The following LRRC1 variants were observed in gnomAD, a reference collection of about 807,000 sequenced individuals.
LRRC1 encodes the protein leucine rich repeat containing 1.
A neutral mutation model predicts 69.9 loss-of-function variants in LRRC1; 28 were observed. The ratio of observed to expected loss-of-function variants is 0.40; its 90% CI spans 0.30 to 0.55. The LOEUF is 0.55. Ranked by LOEUF, LRRC1 falls within the 20% of genes least tolerant of loss-of-function variation. The pLI, the probability that LRRC1 is intolerant of heterozygous loss-of-function variation, is 0.47. For synonymous variants in LRRC1, 236 were observed against 240.2 expected, an observed-to-expected ratio of 0.98 and a Z score of 0.16; for missense variants, 498 against 609.0, an observed-to-expected ratio of 0.82 and a Z score of 1.92.
intron 1 of LRRC1, among the ~76,000 whole-genome samples, chr6:53,798,199 A>G (rs972719438): frequency 7.9e-5 from 12 of 152,166 alleles, no homozygotes; most frequent in African/African-American, 2.9e-4. Flanking sequence ...AACCTTTTGC[A>G]TCAGATCCCT....
Position 53,837,931 on chromosome 6 carries a change from G to T in LRRC1, c.160-4179G>T, listed in dbSNP as rs544473983. 2.6e-5 allele frequency among the ~76,000 whole-genome samples: 4 copies of T among 152,286 alleles called. No individual in the cohort carries two copies. In the South Asian group the frequency reaches 8.3e-4, roughly 32 times the overall value. The stretch of plus-strand genomic sequence containing the variant: ...CTTTGCATATAATTGTACAGAATGT[G>T]CTCTAAGTGGGTTAGTGAGCTATAA... On this transcript the variant is annotated intron_variant, in intron 1 of 13. Transcript: ENST00000370888.
At chr6:53,799,132 G>A (rs1055803554) in intron 1 of LRRC1, among the ~76,000 whole-genome samples, 1 of 152,204 alleles carries the variant, frequency 6.6e-6, no homozygotes, top group African/African-American at 2.4e-5. Flanking sequence ...TTAAAAATTT[G>A]AATTTCACCT....
At chr6:53,873,294 T>TC (rs200131508) in intron 2 of LRRC1, among the ~76,000 whole-genome samples, 3 of 150,778 alleles carry the variant, frequency 2.0e-5, no homozygotes, top group Admixed American at 6.6e-5. Flanking sequence ...TTTTTCTTTT[T>TC]TTTTTTTTTT....
In LRRC1 at chr6:53,862,828, AT is replaced by A. The variant is rs916252992; in HGVS notation, c.278-16158del. ...ATTTGAAAAAAATTCTCCATTTAAC[AT>A]TTTTTTCCCCCTGCACACCCGGAAC... On this transcript the variant is annotated intron_variant, in intron 2 of 13. Transcript: ENST00000370888. Among the ~76,000 whole-genome samples, 10 of 152,080 alleles carry A rather than the reference AT, an allele frequency of 6.6e-5. No individual in the cohort carries two copies. The East Asian group carries it at 7.7e-4, about 12-fold the overall frequency.
intron 4 of LRRC1, among the ~76,000 whole-genome samples, chr6:53,885,794 G>A (rs1191712995): frequency 1.3e-5 from 2 of 152,154 alleles, no homozygotes; most frequent in East Asian, 1.9e-4. Flanking sequence ...GGGGCACCTG[G>A]ACACATCTCT....
chr6:53,889,404 T>C (rs1431993721), intron 4 of LRRC1, among the ~76,000 whole-genome samples: 2 of 152,162 alleles, frequency 1.3e-5, no homozygotes, highest in African/African-American at 2.4e-5. Flanking sequence ...TTATTGGCAT[T>C]ATTTATAATA....
chr6:53,864,398 T>G (rs1421589912), intron 2 of LRRC1, among the ~76,000 whole-genome samples: 8 of 152,146 alleles, frequency 5.3e-5, no homozygotes, highest in Non-Finnish European at 1.2e-4. Context: ...TCATTTTGTC[T>G]CTCCATATGC....
chr6:53,910,413 A>G (rs985066366), intron 10 of LRRC1, among the ~76,000 whole-genome samples: 1 of 152,164 alleles, frequency 6.6e-6, no homozygotes, highest in Non-Finnish European at 1.5e-5. Flanking sequence ...CAAAATATAT[A>G]TGAATGATGT....
At chr6:53,871,290 C>T (rs773075913) in intron 2 of LRRC1, among the ~76,000 whole-genome samples, 3 of 152,006 alleles carry the variant, frequency 2.0e-5, no homozygotes, top group African/African-American at 4.8e-5. Context: ...GCATCCTTGC[C>T]GGTATTTGTT....
At chr6:53,869,535 A>G (rs1240429032) in intron 2 of LRRC1, among the ~76,000 whole-genome samples, 1 of 152,214 alleles carries the variant, frequency 6.6e-6, no homozygotes, top group African/African-American at 2.4e-5. Flanking sequence ...TAGTGGTACA[A>G]TAGAGATACT....
At chr6:53,811,033 G>A (rs149107150) in intron 1 of LRRC1, among the ~76,000 whole-genome samples, 15 of 152,208 alleles carry the variant, frequency 9.9e-5, no homozygotes, top group African/African-American at 3.6e-4. Context: ...TCTACCCCAG[G>A]CATTGGGAAA....
chr6:53,919,473 T>TA, intron 11 of LRRC1, 25 bp from the exon 12 acceptor site: 2 of 1,444,202 alleles, frequency 1.4e-6, no homozygotes, highest in Non-Finnish European at 1.8e-6. Context: ...GATGTCTCTT[T>TA]TTTTAAAAAA....
At chr6:53,890,984 G>C (rs1366367626) in intron 4 of LRRC1, among the ~76,000 whole-genome samples, 1 of 152,206 alleles carries the variant, frequency 6.6e-6, no homozygotes, top group Non-Finnish European at 1.5e-5. Context: ...TGAAAACATA[G>C]TAGAGAACAG....
chr6:53,913,386 G>C (rs1364147700), intron 10 of LRRC1, among the ~76,000 whole-genome samples: 2 of 151,298 alleles, frequency 1.3e-5, no homozygotes, highest in East Asian at 3.9e-4. Flanking sequence ...CAAAAAACTG[G>C]AACACCAAGA....
intron 1 of LRRC1, among the ~76,000 whole-genome samples, chr6:53,834,370 T>C (rs1765549622): frequency 2.0e-5 from 3 of 152,202 alleles, no homozygotes; most frequent in Non-Finnish European, 2.9e-5. Context: ...AACTTGTCAA[T>C]CAAGATGGAA....
intron 2 of LRRC1, among the ~76,000 whole-genome samples, chr6:53,847,961 C>T (rs77562988): frequency 6.3e-4 from 96 of 152,136 alleles, no homozygotes; most frequent in Non-Finnish European, 9.0e-4. Context: ...TTTACCCATG[C>T]GGACTTCAGA....
At chr6:53,809,945 G>A (rs1395086280) in intron 1 of LRRC1, among the ~76,000 whole-genome samples, 1 of 152,244 alleles carries the variant, frequency 6.6e-6, no homozygotes, top group Non-Finnish European at 1.5e-5. Context: ...ACCCTTAGCA[G>A]AGAAGAAAGG....
intron 4 of LRRC1, among the ~76,000 whole-genome samples, chr6:53,893,161 G>C (rs1767758778): frequency 6.6e-6 from 1 of 152,142 alleles, no homozygotes; most frequent in Non-Finnish European, 1.5e-5. Flanking sequence ...AGGGACAAAG[G>C]GTGTCTTGAG....
chr6:53,892,011 T>TATACACACACACACACAC lies in LRRC1; in HGVS notation c.447-4486_447-4485insTACACACACACACACACA, dbSNP rs1428852703. Among the ~76,000 whole-genome samples the TATACACACACACACACAC allele has an allele frequency of 1.2e-3, 157 of 135,356 alleles. 1 individual carries two copies. Among genetic ancestry groups the TATACACACACACACACAC allele is most frequent in the African/African-American group, 3.0e-3 (106 of 35,022 alleles). 88.8% of individuals were successfully genotyped at this position (135,356 alleles called of 152,430 possible). On this transcript the variant is annotated intron_variant, in intron 4 of 13. Coordinates refer to ENST00000370888, the MANE Select transcript of LRRC1 (RefSeq NM_018214.5). ...TGTCTAAAAAAAAAATATATATATA[T>TATACACACACACACACAC]ACACACACACACACACACACACACA...
Sources: allele counts gnomAD v4.1 joint callset (sites outside exome capture counted in the v4.1 genomes callset), GRCh38; gene constraint gnomAD v4.1.1; transcripts MANE v1.5; gene names NCBI Gene and HGNC (gene_info 2026-07-23, HGNC 2026-07-21).